The following FCGR2B variants were observed in gnomAD, a reference collection of about 807,000 sequenced individuals.
FCGR2B encodes Fc gamma receptor IIb.
In FCGR2B, 18 loss-of-function variants were observed where a neutral mutation model predicts 24.8. The ratio of observed to expected loss-of-function variants is 0.73; its 90% CI spans 0.50 to 1.08. The LOEUF (loss-of-function observed/expected upper bound fraction) is 1.08, where lower values mean the gene tolerates loss of function less well. Among genes scored for constraint, FCGR2B ranks in the 50% least tolerant of loss-of-function variants. The probability of loss-of-function intolerance (pLI) is 0.00; values close to 1 mark genes in which losing one functional copy is unlikely to be tolerated. For missense variants in FCGR2B, 215 were observed against 297.6 expected (o/e 0.72, Z 2.04); for synonymous variants, 79 against 109.8 (o/e 0.72, Z 1.75).
Position 161,677,544 on chromosome 1 carries a change from C to T in FCGR2B, c.924C>T (p.Asn308=), listed in dbSNP as rs1682255089. Residue 308 remains asparagine (N), a synonymous_variant, in exon 8 of 8, where the codon AAC becomes AAT. Transcript: ENST00000358671. ...PDALEEPDDQ[N]RI ...CTCTGGAAGAGCCTGATGACCAGAACCGTATTTAGTCTCCATTGTCTTGCA... is the reference window on the plus strand; with the variant it reads ...CTCTGGAAGAGCCTGATGACCAGAATCGTATTTAGTCTCCATTGTCTTGCA... The T allele has an allele frequency of 6.2e-7, 1 of 1,610,850 alleles. No individual in the cohort carries two copies. Among genetic ancestry groups the T allele is most frequent in the East Asian group, 2.2e-5 (1 of 44,880 alleles).
chr1:161,675,876 A>T (rs1682081674), intron 6 of FCGR2B: 1 of 233,286 alleles, frequency 4.3e-6, no homozygotes. Flanking sequence ...TCTGTGGGCA[A>T]AACTCAGTTC....
chr1:161,675,737 G>A (rs1282929551), intron 6 of FCGR2B: 45 of 236,896 alleles, frequency 1.9e-4, no homozygotes, highest in African/African-American at 5.1e-4. Flanking sequence ...GAAACCCCTT[G>A]ATTTGCTGAG....
chr1:161,669,501 C>T lies in FCGR2B; in HGVS notation c.113-751C>T, dbSNP rs1448489536. Among the ~76,000 whole-genome samples, 8 of 142,130 alleles carry T rather than the reference C, an allele frequency of 5.6e-5. 2 individuals are homozygous for T. The highest frequency in any genetic ancestry group is 2.5e-4 in the South Asian group (1 of 4,034). 93.2% of individuals were successfully genotyped at this position (142,130 alleles called of 152,430 possible). On this transcript the variant is annotated intron_variant, in intron 1 of 7. Transcript: ENST00000358671. ...AGGTGAATCACTTGAACCTGGGAGG[C>T]GGAGGTTGCAGTGAGCCAAGATCGC...
chr1:161,655,843 TTTTATTTATTTATTTA>T, the FCGR2B span, among the ~76,000 whole-genome samples: 6 of 55,536 alleles, frequency 1.1e-4, 1 homozygote, highest in Non-Finnish European at 1.8e-4. Context: ...TTTCCTCAAT[TTTTATTTATTTATTTA>T]TTTATTTATT....
the FCGR2B span, among the ~76,000 whole-genome samples, chr1:161,647,295 C>CTTTTTTTTTTT: frequency 7.6e-6 from 1 of 131,560 alleles, no homozygotes; most frequent in African/African-American, 3.0e-5. Flanking sequence ...TTGCTCTGGA[C>CTTTTTTTTTTT]TCTTTTTTTT....
intron 2 of FCGR2B, 42 bp from the exon 3 acceptor site, chr1:161,671,350 G>A (rs1408585613): frequency 6.2e-7 from 1 of 1,613,868 alleles, no homozygotes; most frequent in Admixed American, 1.7e-5. Context: ...CAAGCTCCTG[G>A]GCTTCCTCTT....
chr1:161,647,473 G>A, the FCGR2B span, among the ~76,000 whole-genome samples: 1 of 150,190 alleles, frequency 6.7e-6, no homozygotes, highest in Admixed American at 6.7e-5. Flanking sequence ...TCTAATTTTT[G>A]TACTTTTAGT....
At chr1:161,649,315 G>A in the FCGR2B span, among the ~76,000 whole-genome samples, 1 of 150,918 alleles carries the variant, frequency 6.6e-6, no homozygotes, top group East Asian at 1.9e-4. Context: ...TGAATGTCAG[G>A]TCAATTTCCA....
chr1:161,675,314 G>A lies in FCGR2B; in HGVS notation c.817+1G>A. On this transcript the variant is annotated splice_donor_variant, in intron 6 of 7. Coordinates refer to ENST00000358671, the MANE Select transcript of FCGR2B (RefSeq NM_001394477.1). LOFTEE classifies it high-confidence loss of function. ...GGAGAGACCCTCCCTGAGAAACCAG[G>A]TGAGTACAGGTTGTCTCAGGGATTC... 6.3e-7 allele frequency: 1 copy of A among 1,587,292 alleles called. No homozygotes were observed. The highest frequency in any genetic ancestry group is 8.6e-7 in the Non-Finnish European group (1 of 1,164,588).
the FCGR2B span, among the ~76,000 whole-genome samples, chr1:161,647,295 C>CTTTTT: frequency 0.011 from 1,391 of 130,634 alleles, 4 homozygotes; most frequent in East Asian, 0.056. Context: ...TTGCTCTGGA[C>CTTTTT]TCTTTTTTTT....
At chr1:161,661,214 GAAAGAAA>G (rs1321815855), upstream of FCGR2B, among the ~76,000 whole-genome samples, 1 of 91,800 alleles carries the variant, frequency 1.1e-5, no homozygotes, top group Non-Finnish European at 2.3e-5. Flanking sequence ...AAGAAAGAAA[GAAAGAAA>G]GAAAGAAAGA....
At chr1:161,648,791 G>GTGAT in the FCGR2B span, among the ~76,000 whole-genome samples, 4 of 150,800 alleles carry the variant, frequency 2.7e-5, no homozygotes, top group Non-Finnish European at 5.9e-5. Flanking sequence ...CCAGGTTCAA[G>GTGAT]TGATTCTCAT....
At chr1:161,653,056 G>A in the FCGR2B span, among the ~76,000 whole-genome samples, 1 of 133,810 alleles carries the variant, frequency 7.5e-6, no homozygotes, top group African/African-American at 2.6e-5. Flanking sequence ...CTGGGAGGTA[G>A]GGCAGAGGTT....
At chr1:161,672,932 G>C in intron 3 of FCGR2B, 43 bp from the exon 4 acceptor site, 1 of 1,611,884 alleles carries the variant, frequency 6.2e-7, no homozygotes, top group Non-Finnish European at 8.5e-7. Context: ...TCAGAGCTGA[G>C]CCAAGACCTC....
At position 161,671,486 on chromosome 1, in the gene FCGR2B, C is replaced by T. The variant is rs751280282; in HGVS notation, c.228C>T (p.Ser76=). The T allele has an allele frequency of 1.2e-6, 2 of 1,614,184 alleles. No individual in the cohort carries two copies. Among genetic ancestry groups the T allele is most frequent in the Non-Finnish European group, 1.7e-6 (2 of 1,180,036 alleles). Residue 76 remains serine, a synonymous_variant, in exon 3 of 8, where the codon AGC becomes AGT. Coordinates refer to ENST00000358671, the MANE Select transcript of FCGR2B (RefSeq NM_001394477.1). ...SVTLTCRGTH[S]PESDSIQWFH... ...CTCTGACATGCCGGGGGACTCACAG[C>T]CCTGAGAGCGACTCCATTCAGTGGT...
intron 3 of FCGR2B, chr1:161,672,125 T>C (rs979180529): frequency 6.2e-6 from 1 of 162,194 alleles, no homozygotes; most frequent in Non-Finnish European, 1.3e-5. Flanking sequence ...CTAGGTGCTC[T>C]TCTCTGTCTT....
chr1:161,675,183 T>C (rs1682008949), intron 5 of FCGR2B, 74 bp from the exon 6 acceptor site: 4 of 1,001,182 alleles, frequency 4.0e-6, no homozygotes, highest in Non-Finnish European at 6.1e-6. Flanking sequence ...CATCCAACCC[T>C]GGCCCTGGTC....
intron 6 of FCGR2B, chr1:161,676,835 C>G (rs72704062): frequency 0.018 from 3,070 of 167,248 alleles, 48 homozygotes; most frequent in Non-Finnish European, 0.022. Context: ...CTCCCTTTCT[C>G]ACTCACTCTC....
At chr1:161,669,544 TG>T (rs56279318) in intron 1 of FCGR2B, among the ~76,000 whole-genome samples, 9 of 142,342 alleles carry the variant, frequency 6.3e-5, no homozygotes, top group Non-Finnish European at 1.1e-4. Context: ...CACTCCAGCC[TG>T]GGTGACAGAG....
Sources: gnomAD v4.1 joint callset for allele counts (sites outside exome capture counted in the v4.1 genomes callset) on GRCh38, gnomAD v4.1.1 for gene constraint, MANE v1.5 for transcripts, NCBI Gene and HGNC (gene_info 2026-07-23, HGNC 2026-07-21) for gene names.